Variants in SLC9A9 observed in about 807,000 individuals in gnomAD.
SLC9A9 encodes sodium/hydrogen exchanger 9.
In SLC9A9, 62 loss-of-function variants were observed where a neutral mutation model predicts 77.8. The ratio of observed to expected loss-of-function variants is 0.80; its 90% CI spans 0.65 to 0.98. SLC9A9 has a LOEUF of 0.98. Ranked by LOEUF, SLC9A9 falls within the 50% of genes least tolerant of loss-of-function variation. SLC9A9 has a pLI of 0.00. For missense variants in SLC9A9, 775 were observed against 774.9 expected (o/e 1.00, Z 0.00); for synonymous variants, 320 against 283.5 (o/e 1.13, Z -1.29).
intron 8 of SLC9A9, among the ~76,000 whole-genome samples, chr3:143,560,150 G>T (rs2037056439): frequency 6.6e-6 from 1 of 152,206 alleles, no homozygotes; most frequent in Admixed American, 6.5e-5. Context: ...CAAATCACCT[G>T]GGGATTTAAA....
intron 14 of SLC9A9, among the ~76,000 whole-genome samples, chr3:143,354,445 C>T (rs1275976143): frequency 6.6e-6 from 1 of 152,196 alleles, no homozygotes; most frequent in Non-Finnish European, 1.5e-5. Context: ...TGTGTGATGT[C>T]TATCATAGCT....
chr3:143,585,599 C>G (rs930184637), intron 6 of SLC9A9, among the ~76,000 whole-genome samples: 6 of 152,190 alleles, frequency 3.9e-5, no homozygotes, highest in African/African-American at 1.4e-4. Flanking sequence ...CGGTTGTGTC[C>G]TTAACCTGGT....
intron 12 of SLC9A9, among the ~76,000 whole-genome samples, chr3:143,382,632 T>A (rs112719161): frequency 1.6e-4 from 24 of 152,160 alleles, no homozygotes; most frequent in African/African-American, 5.5e-4. Context: ...AGGAAAATAA[T>A]ACAAAAATAT....
At chr3:143,455,052 A>C (rs566774698) in intron 12 of SLC9A9, among the ~76,000 whole-genome samples, 10 of 152,352 alleles carry the variant, frequency 6.6e-5, no homozygotes, top group African/African-American at 2.2e-4. Flanking sequence ...TCATATTTGC[A>C]GTTCCAAGGA....
intron 9 of SLC9A9, among the ~76,000 whole-genome samples, chr3:143,502,576 G>T (rs949191784): frequency 2.2e-4 from 34 of 151,826 alleles, no homozygotes; most frequent in Non-Finnish European, 4.0e-4. Flanking sequence ...ATATTATTAT[G>T]GTTCATAGGG....
intron 5 of SLC9A9, among the ~76,000 whole-genome samples, chr3:143,669,879 A>G (rs772698320): frequency 6.6e-6 from 1 of 152,192 alleles, no homozygotes. Context: ...AATGTTTGGC[A>G]TATTGTAAGT....
intron 2 of SLC9A9, among the ~76,000 whole-genome samples, chr3:143,822,736 T>TG (rs1175145937): frequency 6.6e-6 from 1 of 152,214 alleles, no homozygotes; most frequent in Non-Finnish European, 1.5e-5. Flanking sequence ...AACAAAGCAA[T>TG]GGGGAAAAGA....
At chr3:143,838,812 G>A (rs186308394) in intron 1 of SLC9A9, among the ~76,000 whole-genome samples, 3 of 152,310 alleles carry the variant, frequency 2.0e-5, no homozygotes, top group Non-Finnish European at 4.4e-5. Context: ...GAAGGAAATA[G>A]TCTGAATAAT....
chr3:143,617,709 C>T (rs2038130158), intron 6 of SLC9A9, among the ~76,000 whole-genome samples: 1 of 152,138 alleles, frequency 6.6e-6, no homozygotes, highest in South Asian at 2.1e-4. Context: ...CTCCATTTTC[C>T]CGTTGTCCTT....
intron 14 of SLC9A9, among the ~76,000 whole-genome samples, chr3:143,281,035 A>G (rs1286223370): frequency 2.0e-5 from 3 of 152,110 alleles, no homozygotes; most frequent in African/African-American, 7.2e-5. Flanking sequence ...CTCTTCTTTC[A>G]GGTGCCTGAA....
At chr3:143,426,314 C>G (rs1559910899) in intron 12 of SLC9A9, among the ~76,000 whole-genome samples, 1 of 152,186 alleles carries the variant, frequency 6.6e-6, no homozygotes, top group Non-Finnish European at 1.5e-5. Flanking sequence ...AGGATACGAA[C>G]TACTAAAAAA....
intron 5 of SLC9A9, among the ~76,000 whole-genome samples, chr3:143,689,720 C>T (rs547979227): frequency 6.6e-6 from 1 of 152,010 alleles, no homozygotes; most frequent in African/African-American, 2.4e-5. Context: ...GAGAAAGATT[C>T]TTATATGTTG....
chr3:143,797,876 G>C (rs1403839022), intron 2 of SLC9A9, among the ~76,000 whole-genome samples: 2 of 152,092 alleles, frequency 1.3e-5, no homozygotes, highest in African/African-American at 4.8e-5. Context: ...GCACCCAGGT[G>C]ATTAAAAAGC....
intron 12 of SLC9A9, among the ~76,000 whole-genome samples, chr3:143,431,069 C>A (rs550367834): frequency 3.9e-5 from 6 of 152,168 alleles, no homozygotes; most frequent in Non-Finnish European, 5.9e-5. Context: ...TTTGTTTAGG[C>A]CACATAGTTG....
intron 4 of SLC9A9, among the ~76,000 whole-genome samples, chr3:143,731,201 C>T (rs1934795677): frequency 6.6e-6 from 1 of 152,206 alleles, no homozygotes; most frequent in Admixed American, 6.5e-5. Flanking sequence ...TAGGGATTTA[C>T]TATTAAATGA....
At chr3:143,718,690 G>A (rs1232054474) in intron 4 of SLC9A9, among the ~76,000 whole-genome samples, 1 of 152,144 alleles carries the variant, frequency 6.6e-6, no homozygotes, top group Non-Finnish European at 1.5e-5. Flanking sequence ...TTCCGGCTCA[G>A]TTCTGCAGCT....
chr3:143,371,834 G>C (rs1423856863), intron 13 of SLC9A9, among the ~76,000 whole-genome samples: 1 of 152,120 alleles, frequency 6.6e-6, no homozygotes, highest in East Asian at 1.9e-4. Context: ...ATCCCTCCAA[G>C]AGACAACTGG....
At chr3:143,775,419 CTCTG>C (rs2007657099) in intron 4 of SLC9A9, among the ~76,000 whole-genome samples, 1 of 152,200 alleles carries the variant, frequency 6.6e-6, no homozygotes, top group African/African-American at 2.4e-5. Context: ...CCTAAGTCAA[CTCTG>C]TCTGGAGAAA....
intron 5 of SLC9A9, among the ~76,000 whole-genome samples, chr3:143,672,322 A>C (rs191498312): frequency 6.6e-6 from 1 of 152,338 alleles, no homozygotes; most frequent in Non-Finnish European, 1.5e-5. Context: ...AGAGGGCCAG[A>C]AGGTGAAAAA....
Sources: allele counts gnomAD v4.1 joint callset (sites outside exome capture counted in the v4.1 genomes callset), GRCh38; gene constraint gnomAD v4.1.1; transcripts MANE v1.5; gene names NCBI Gene and HGNC (gene_info 2026-07-23, HGNC 2026-07-21).